LRP2: variants seen among roughly 807,000 people sequenced by gnomAD.
LRP2 encodes the protein LDL receptor related protein 2.
LRP2 carries 172 observed loss-of-function variants against 531.0 expected under a neutral mutation model. The observed-to-expected ratio is 0.32, with a 90% confidence interval of 0.29 to 0.37. The LOEUF (loss-of-function observed/expected upper bound fraction) is 0.37. Ranked by LOEUF, LRP2 falls within the 10% of genes least tolerant of loss-of-function variation. The pLI is 1.00. For missense variants in LRP2, 5,167 were observed against 5,868.3 expected (o/e 0.88, Z 3.90); for synonymous variants, 1,992 against 2,027.6 (o/e 0.98, Z 0.47).
intron 63 of LRP2, 150 bp from the exon 64 acceptor site, chr2:169,157,652 G>A: frequency 7.4e-6 from 6 of 807,032 alleles, no homozygotes; most frequent in South Asian, 3.0e-5. Context: ...AGGGCACTGG[G>A]GGAGTCAGGA....
Position 169,362,364 on chromosome 2 carries a change from C to A in LRP2, c.36G>T (p.Leu12=). ...CTAGGCAGGCGACGAGAGCCAGGAG[C>A]AGCGTGCACGCCACTGCTGCCGGCC... ...DRGPAAVACT[L]LLALVACLAP... The change falls in exon 1 of 79, where the codon CTG becomes CTT. Residue 12 remains leucine (L), a synonymous_variant. Transcript: ENST00000649046. 6.4e-7 allele frequency: 1 copy of A among 1,570,800 alleles called. No individual in the cohort carries two copies. Among genetic ancestry groups the A allele is most frequent in the Non-Finnish European group, 8.6e-7 (1 of 1,159,972 alleles).
chr2:169,327,544 C>A (rs1352552520), intron 1 of LRP2, among the ~76,000 whole-genome samples: 2 of 121,854 alleles, frequency 1.6e-5, no homozygotes, highest in Non-Finnish European at 3.5e-5. Context: ...TGGGGTCAGC[C>A]CCCCGCCCGG....
At chr2:169,313,538 C>G (rs575305652) in intron 3 of LRP2, among the ~76,000 whole-genome samples, 1 of 152,310 alleles carries the variant, frequency 6.6e-6, no homozygotes, top group South Asian at 2.1e-4. Flanking sequence ...TATTGCAGAA[C>G]AGCAAATGTT....
Position 169,180,910 on chromosome 2 carries a change from C to G in LRP2, c.10169+538G>C, listed in dbSNP as rs189791437. The stretch of plus-strand genomic sequence containing the variant: ...TTTATTGAACAGTATATTTAACACA[C>G]TTAAAAATTATCCTATTACCAGAAA... On this transcript the variant is annotated intron_variant, in intron 52 of 78. Coordinates refer to ENST00000649046, the MANE Select transcript of LRP2 (RefSeq NM_004525.3). Among the ~76,000 whole-genome samples the G allele has an allele frequency of 1.6e-3, 237 of 152,284 alleles. 1 individual carries two copies. Among genetic ancestry groups the G allele is most frequent in the Admixed American group, 3.2e-3 (49 of 15,284 alleles).
At chr2:169,344,440 T>C (rs1009328450) in intron 1 of LRP2, among the ~76,000 whole-genome samples, 2 of 152,222 alleles carry the variant, frequency 1.3e-5, no homozygotes, top group Non-Finnish European at 1.5e-5. Context: ...AATAAAGTTA[T>C]GTAAGCAGGG....
intron 1 of LRP2, among the ~76,000 whole-genome samples, chr2:169,359,827 A>T (rs887289983): frequency 5.9e-5 from 9 of 152,228 alleles, no homozygotes; most frequent in African/African-American, 1.9e-4. Flanking sequence ...TGTACAAAAG[A>T]AAAAAGAGAA....
intron 68 of LRP2, among the ~76,000 whole-genome samples, chr2:169,150,007 C>A (rs565468591): frequency 6.6e-6 from 1 of 152,078 alleles, no homozygotes; most frequent in Non-Finnish European, 1.5e-5. Flanking sequence ...TCTCTTTGCT[C>A]CTAATATATT....
At chr2:169,179,860 G>A (rs1687363885) in intron 52 of LRP2, among the ~76,000 whole-genome samples, 1 of 127,050 alleles carries the variant, frequency 7.9e-6, no homozygotes, top group South Asian at 3.0e-4. Flanking sequence ...CTGAACACAG[G>A]CATTGCTACC....
chr2:169,130,047 G>A (rs1396663658), intron 77 of LRP2, among the ~76,000 whole-genome samples: 4 of 152,230 alleles, frequency 2.6e-5, no homozygotes, highest in African/African-American at 9.6e-5. Flanking sequence ...GTGAGAACCT[G>A]CTTTGTACAT....
At chr2:169,358,716 G>A (rs768912721) in intron 1 of LRP2, among the ~76,000 whole-genome samples, 4 of 152,142 alleles carry the variant, frequency 2.6e-5, no homozygotes, top group Admixed American at 6.5e-5. Flanking sequence ...TGTTGGACCA[G>A]GTAAGGTGGC....
rs556511561 is a variant in LRP2 at position 169,311,477 on chromosome 2, C to G, written c.311-4080G>C. 2.6e-3 allele frequency among the ~76,000 whole-genome samples: 397 copies of G among 152,286 alleles called. 2 individuals carry two copies. Among genetic ancestry groups the G allele is most frequent in the African/African-American group, 8.9e-3 (372 of 41,566 alleles). ...TATGTACCCAGTAGTCATTCAGGAG[C>G]AGGTTGTTCAGTTTCCATGTAGTTG... On this transcript the variant is annotated intron_variant, in intron 3 of 78. Transcript: ENST00000649046.
chr2:169,306,961 T>C (rs1684437291), intron 4 of LRP2, among the ~76,000 whole-genome samples: 1 of 152,206 alleles, frequency 6.6e-6, no homozygotes, highest in African/African-American at 2.4e-5. Flanking sequence ...TAATAACAGT[T>C]AAAATTTACC....
intron 8 of LRP2, among the ~76,000 whole-genome samples, chr2:169,289,885 G>C (rs902673086): frequency 1.7e-4 from 26 of 149,974 alleles, no homozygotes; most frequent in African/African-American, 5.8e-4. Context: ...AAATGAAATA[G>C]AGAAAAAAAT....
In LRP2 at chr2:169,247,508, T is replaced by A; in HGVS notation, c.2778A>T (p.Leu926Phe). Residue 926 changes from leucine (L) to phenylalanine (F), a missense_variant, in exon 20 of 79, where the codon TTA (leucine) becomes TTT (phenylalanine). Leu to Phe is a conservative substitution (Grantham distance 22). Coordinates refer to ENST00000649046, the MANE Select transcript of LRP2 (RefSeq NM_004525.3). Reference sequence around the variant, plus strand: ...CACCCAGTCTCCAGTCAGTAAAAAATAAATGCTCTGAAAAGAAACATGGGT... The same window carrying A: ...CACCCAGTCTCCAGTCAGTAAAAAAAAAATGCTCTGAAAAGAAACATGGGT... ...PFGLAIFGEH[L>F]FFTDWRLGAI... 1 of 1,614,098 alleles carries A rather than the reference T, an allele frequency of 6.2e-7. No homozygotes were observed. The highest frequency in any genetic ancestry group is 8.5e-7 in the Non-Finnish European group (1 of 1,180,004).
chr2:169,148,641 A>T, intron 68 of LRP2, among the ~76,000 whole-genome samples: 1 of 152,160 alleles, frequency 6.6e-6, no homozygotes, highest in East Asian at 1.9e-4. Context: ...AAGTAAATTA[A>T]TTAATTCAAT....
intron 7 of LRP2, among the ~76,000 whole-genome samples, chr2:169,292,028 G>T (rs572588386): frequency 3.9e-5 from 6 of 152,224 alleles, no homozygotes; most frequent in East Asian, 3.9e-4. Context: ...AGAAGGGAGA[G>T]GATTATAATT....
At chr2:169,154,057 A>C (rs1329903109) in intron 66 of LRP2, among the ~76,000 whole-genome samples, 2 of 152,194 alleles carry the variant, frequency 1.3e-5, no homozygotes, top group East Asian at 1.9e-4. Context: ...CATGGTGAGC[A>C]ATCATAGAAC....
At chr2:169,169,380 C>A (rs1182169569) in intron 60 of LRP2, among the ~76,000 whole-genome samples, 1 of 152,130 alleles carries the variant, frequency 6.6e-6, no homozygotes, top group Non-Finnish European at 1.5e-5. Context: ...CTAATGTATT[C>A]GTTGCTTGAA....
chr2:169,342,261 T>A (rs1180509822), intron 1 of LRP2, among the ~76,000 whole-genome samples: 2 of 149,730 alleles, frequency 1.3e-5, no homozygotes. Context: ...TGAAAAGACA[T>A]GTCTAATATT....
Sources: allele counts gnomAD v4.1 joint callset (sites outside exome capture counted in the v4.1 genomes callset), GRCh38; gene constraint gnomAD v4.1.1; transcripts MANE v1.5; gene names NCBI Gene and HGNC (gene_info 2026-07-23, HGNC 2026-07-21).